The following COL28A1 variants were observed in gnomAD, a reference collection of about 807,000 sequenced individuals.
COL28A1 encodes the protein collagen alpha-1(XXVIII) chain.
COL28A1 carries 161 observed loss-of-function variants against 150.2 expected under a neutral mutation model. The ratio of observed to expected loss-of-function variants is 1.07; its 90% CI spans 0.94 to 1.22. The LOEUF (loss-of-function observed/expected upper bound fraction) is 1.22, where lower values mean the gene tolerates loss of function less well. COL28A1 is among the 50% of genes most tolerant of loss of function. The pLI is 0.00. For missense variants in COL28A1, 1,617 were observed against 1,388.3 expected, an observed-to-expected ratio of 1.16 and a Z score of -2.62; for synonymous variants, 552 against 469.7, an observed-to-expected ratio of 1.18 and a Z score of -2.26.
intron 15 of COL28A1, among the ~76,000 whole-genome samples, chr7:7,462,743 C>T (rs1487893692): frequency 6.6e-6 from 1 of 151,928 alleles, no homozygotes; most frequent in African/African-American, 2.4e-5. Context: ...CCTGTAATCC[C>T]AGCTACTGGG....
At chr7:7,418,484 A>G (rs1021661439) in intron 26 of COL28A1, among the ~76,000 whole-genome samples, 4 of 152,220 alleles carry the variant, frequency 2.6e-5, no homozygotes, top group East Asian at 1.9e-4. Context: ...TCGTGGTGGA[A>G]TAAGATTGGA....
chr7:7,431,316 G>A (rs1410451090), intron 25 of COL28A1: 1 of 307,636 alleles, frequency 3.3e-6, no homozygotes, highest in Non-Finnish European at 6.5e-6. Flanking sequence ...ATGAAGTTAG[G>A]AGGGAACAAA....
At chr7:7,447,077 T>TG (rs1292851017) in intron 18 of COL28A1, among the ~76,000 whole-genome samples, 1 of 152,120 alleles carries the variant, frequency 6.6e-6, no homozygotes, top group Non-Finnish European at 1.5e-5. Context: ...GGGCATAAAT[T>TG]GGAGTTCTAA....
chr7:7,436,406 G>A lies in COL28A1; in HGVS notation c.1849C>T (p.Arg617Ter), dbSNP rs769020761. 10 of 1,380,150 alleles carry A rather than the reference G, an allele frequency of 7.2e-6. No individual in the cohort carries two copies. Among genetic ancestry groups the A allele is most frequent in the African/African-American group, 4.3e-5 (3 of 70,418 alleles). The allele number at this position is 1,380,150 out of a possible 1,614,324, so 85.5% of individuals were successfully genotyped here. Residue 617 changes from arginine to a stop codon, truncating the protein, a stop_gained, in exon 23 of 35, where the codon CGA (arginine) becomes TGA (stop). Coordinates refer to ENST00000399429, the MANE Select transcript of COL28A1 (RefSeq NM_001037763.3). LOFTEE classifies it high-confidence loss of function. The part of the protein sequence containing the change: ...GFKGEPGLSI[R>*]GPKGVQGPRG... ...TGAATAAAGCATACCTTTGGTCCTCGAATAGAAAGTCCAGGTTCTCCCTTA... is the reference window on the plus strand; with the variant it reads ...TGAATAAAGCATACCTTTGGTCCTCAAATAGAAAGTCCAGGTTCTCCCTTA...
rs1486071517 is a variant in COL28A1, at chr7:7,493,669, C to T, written c.1027-3023G>A. ...GCTCATGTTTATTCCCTTCCCATTT[C>T]CCCTTTTTCTTTCCTACAGAGATTC... On this transcript the variant is annotated intron_variant, in intron 11 of 34. Coordinates refer to ENST00000399429, the MANE Select transcript of COL28A1 (RefSeq NM_001037763.3). 2.0e-5 allele frequency among the ~76,000 whole-genome samples: 3 copies of T among 152,100 alleles called. No homozygotes were observed. The East Asian group carries it at 5.8e-4, about 29-fold the overall frequency.
chr7:7,476,124 G>C (rs1171890674), intron 14 of COL28A1, among the ~76,000 whole-genome samples: 3 of 152,172 alleles, frequency 2.0e-5, no homozygotes, highest in African/African-American at 4.8e-5. Flanking sequence ...TTAGTCACCT[G>C]ATGGAATGAC....
At chr7:7,377,380 GGAA>G (rs1781613610) in intron 30 of COL28A1, among the ~76,000 whole-genome samples, 1 of 152,106 alleles carries the variant, frequency 6.6e-6, no homozygotes, top group South Asian at 2.1e-4. Context: ...TCACAGTCCA[GGAA>G]GAAGCAGACA....
chr7:7,383,275 TGTGTGTGTGTG>T (rs1562512155), intron 27 of COL28A1, among the ~76,000 whole-genome samples: 1 of 140,974 alleles, frequency 7.1e-6, no homozygotes, highest in African/African-American at 2.9e-5. Context: ...TGTGTGTGTG[TGTGTGTGTGTG>T]TGTTTTTTTT....
chr7:7,371,641 G>A (rs945338467), intron 32 of COL28A1, among the ~76,000 whole-genome samples: 9 of 152,198 alleles, frequency 5.9e-5, no homozygotes, highest in Non-Finnish European at 4.4e-5. Flanking sequence ...AGGCCTGCCA[G>A]AATGAATAAT....
intron 33 of COL28A1, among the ~76,000 whole-genome samples, chr7:7,363,786 C>A (rs907989159): frequency 2.0e-5 from 3 of 151,908 alleles, no homozygotes; most frequent in African/African-American, 7.3e-5. Context: ...TTCACCATGA[C>A]TCTATAACAT....
intron 25 of COL28A1, among the ~76,000 whole-genome samples, chr7:7,428,486 C>G (rs1224919197): frequency 6.6e-6 from 1 of 152,240 alleles, no homozygotes; most frequent in African/African-American, 2.4e-5. Context: ...CCTTATGCTA[C>G]ATGTACCTTA....
the COL28A1 span, among the ~76,000 whole-genome samples, chr7:7,343,732 C>A: frequency 6.6e-6 from 1 of 151,996 alleles, no homozygotes; most frequent in Non-Finnish European, 1.5e-5. Flanking sequence ...TATGGGCCAA[C>A]TGCTGTGATT....
intron 20 of COL28A1, 62 bp downstream of exon 20, chr7:7,443,523 T>G: frequency 1.3e-6 from 2 of 1,594,238 alleles, no homozygotes; most frequent in South Asian, 2.3e-5. Flanking sequence ...TTCTTCTAAG[T>G]TGGCTCCTCA....
intron 23 of COL28A1, among the ~76,000 whole-genome samples, chr7:7,433,587 T>A (rs1785132162): frequency 6.9e-6 from 1 of 144,332 alleles, no homozygotes; most frequent in Admixed American, 7.2e-5. Context: ...TGAGAAGAGA[T>A]CACACTACTG....
the COL28A1 span, among the ~76,000 whole-genome samples, chr7:7,346,397 T>A: frequency 6.6e-6 from 1 of 152,102 alleles, no homozygotes; most frequent in African/African-American, 2.4e-5. Context: ...AGAATCTATA[T>A]TTACTAAAGT....
Position 7,515,860 on chromosome 7 carries a change from A to G in COL28A1, c.856-20T>C, listed in dbSNP as rs533905494. The G allele has an allele frequency of 1.0e-6, 1 of 953,880 alleles. No homozygotes were observed. The highest frequency in any genetic ancestry group is 1.3e-5 in the South Asian group (1 of 75,982). The allele number at this position is 953,880 out of a possible 1,614,324, so 59.1% of individuals were successfully genotyped here. ...AATTCCCTAATTTAAAAAGAAAATAAAAAGTAAAATATGATACTCTGAGGC... is the reference window on the plus strand; with the variant it reads ...AATTCCCTAATTTAAAAAGAAAATAGAAAGTAAAATATGATACTCTGAGGC... On this transcript the variant is annotated intron_variant, in intron 7 of 34. Coordinates refer to ENST00000399429, the MANE Select transcript of COL28A1 (RefSeq NM_001037763.3).
chr7:7,519,993 ATTG>A, intron 6 of COL28A1, 66 bp downstream of exon 6: 1 of 806,874 alleles, frequency 1.2e-6, no homozygotes, highest in Non-Finnish European at 2.1e-6. Context: ...TATTTTTAAA[ATTG>A]TTGTTTTAAA....
chr7:7,512,978 T>C (rs1781228905), intron 8 of COL28A1, among the ~76,000 whole-genome samples: 1 of 152,218 alleles, frequency 6.6e-6, no homozygotes, highest in Non-Finnish European at 1.5e-5. Context: ...AGTCTTGCTA[T>C]GAAAAATAAA....
intron 34 of COL28A1, among the ~76,000 whole-genome samples, chr7:7,359,132 C>G (rs1337991812): frequency 1.3e-5 from 2 of 152,096 alleles, no homozygotes; most frequent in African/African-American, 4.8e-5. Flanking sequence ...AAAGACAGGA[C>G]TTCTTTCATT....
Sources: gnomAD v4.1 joint callset for allele counts (sites outside exome capture counted in the v4.1 genomes callset) on GRCh38, gnomAD v4.1.1 for gene constraint, MANE v1.5 for transcripts, NCBI Gene and HGNC (gene_info 2026-07-23, HGNC 2026-07-21) for gene names.